CD2AP: variants seen among roughly 807,000 people sequenced by gnomAD.
The protein encoded by CD2AP is CD2-associated protein.
In CD2AP, 46 loss-of-function variants were observed where a neutral mutation model predicts 85.1. The observed-to-expected ratio is 0.54, with a 90% CI of 0.43 to 0.69. The LOEUF (loss-of-function observed/expected upper bound fraction) is 0.69. Among genes scored for constraint, CD2AP ranks in the 30% least tolerant of loss-of-function variants. CD2AP has a pLI of 0.00. For missense variants in CD2AP, 769 were observed against 729.5 expected, an observed-to-expected ratio of 1.05 and a Z score of -0.62; for synonymous variants, 255 against 252.9, an observed-to-expected ratio of 1.01 and a Z score of -0.08.
At chr6:47,544,904 C>T (rs964056967) in intron 4 of CD2AP, 198 bp downstream of exon 4, 4 of 485,452 alleles carry the variant, frequency 8.2e-6, no homozygotes, top group Non-Finnish European at 7.3e-6. Context: ...TAAAAATGCC[C>T]CCTTAAAGCT....
At chr6:47,521,420 C>T (rs953361550) in intron 2 of CD2AP, among the ~76,000 whole-genome samples, 6 of 151,734 alleles carry the variant, frequency 4.0e-5, no homozygotes, top group Non-Finnish European at 1.5e-5. Context: ...GGCGTGGTGG[C>T]GGGCGCCTGT....
intron 5 of CD2AP, among the ~76,000 whole-genome samples, chr6:47,557,761 T>C (rs879891296): frequency 1.3e-5 from 2 of 152,248 alleles, no homozygotes; most frequent in Non-Finnish European, 2.9e-5. Context: ...GGTAGCATGA[T>C]GCCTCCAGCT....
intron 2 of CD2AP, among the ~76,000 whole-genome samples, chr6:47,508,212 A>G (rs928402085): frequency 5.3e-5 from 8 of 152,226 alleles, no homozygotes; most frequent in African/African-American, 1.7e-4. Context: ...CCTTTTTCCA[A>G]TAGAAGGTTT....
chr6:47,580,863 G>T lies in CD2AP; in HGVS notation c.1009-1G>T. Reference sequence around the variant, plus strand: ...CGTTTCCACCATTATTATTTTAACAGAAACCAAAGAAACCACCACCTCCTG... The same window carrying T: ...CGTTTCCACCATTATTATTTTAACATAAACCAAAGAAACCACCACCTCCTG... On this transcript the variant is annotated splice_acceptor_variant, in intron 9 of 17. Transcript: ENST00000359314. LOFTEE classifies it high-confidence loss of function. 2 of 1,604,792 alleles carry T rather than the reference G, an allele frequency of 1.2e-6. No individual in the cohort carries two copies. The highest frequency in any genetic ancestry group is 1.7e-6 in the Non-Finnish European group (2 of 1,171,902).
At position 47,478,164 on chromosome 6, in the gene CD2AP, C is replaced by T; in HGVS notation, c.-81C>T. The T allele has an allele frequency of 1.3e-6, 2 of 1,524,466 alleles. No homozygotes were observed. The highest frequency in any genetic ancestry group is 1.8e-6 in the Non-Finnish European group (2 of 1,124,978). The allele number at this position is 1,524,466 out of a possible 1,614,324, so 94.4% of individuals were successfully genotyped here. On this transcript the variant is annotated 5_prime_UTR_variant, in exon 1 of 18. Transcript: ENST00000359314. Reference sequence around the variant, plus strand: ...GCGGAGCGCGGGTCCCGCCTCCAGCCGCGGGAGCGGCCGCGCGAGCCACCA... The same window carrying T: ...GCGGAGCGCGGGTCCCGCCTCCAGCTGCGGGAGCGGCCGCGCGAGCCACCA...
At chr6:47,584,678 TTC>T (rs1582590466) in intron 11 of CD2AP, among the ~76,000 whole-genome samples, 1 of 152,152 alleles carries the variant, frequency 6.6e-6, no homozygotes, top group African/African-American at 2.4e-5. Flanking sequence ...TTTTTTTATA[TTC>T]TTTTTTTATA....
At chr6:47,615,897 G>A (rs1014120758) in intron 17 of CD2AP, among the ~76,000 whole-genome samples, 7 of 150,008 alleles carry the variant, frequency 4.7e-5, no homozygotes, top group Admixed American at 2.7e-4. Flanking sequence ...CTCCCACCTC[G>A]GTCTCCAGAG....
In CD2AP at chr6:47,576,725, G is replaced by A. The variant is rs556298222; in HGVS notation, c.808+123G>A. On this transcript the variant is annotated intron_variant, in intron 7 of 17. Transcript: ENST00000359314. ...GAATAGCAAATTCTATTAGATGTAA[G>A]CACCATGAGGTCAAGGATTTTGATA... 1.9e-4 allele frequency: 148 copies of A among 770,574 alleles called. 2 individuals carry two copies. Among genetic ancestry groups the A allele is most frequent in the South Asian group, 1.3e-3 (87 of 65,186 alleles). 47.7% of individuals were successfully genotyped at this position (770,574 alleles called of 1,614,324 possible). A position where few individuals can be genotyped will look rare whatever the true frequency, so the allele number is the denominator to read the frequency against.
intron 3 of CD2AP, among the ~76,000 whole-genome samples, chr6:47,544,382 A>G (rs1401624509): frequency 1.3e-5 from 2 of 152,152 alleles, no homozygotes; most frequent in Non-Finnish European, 2.9e-5. Context: ...AAATGGTGGG[A>G]TAAGATGTAT....
In CD2AP at chr6:47,488,017, A is replaced by G. The variant is rs796488171; in HGVS notation, c.4+9769A>G. On this transcript the variant is annotated intron_variant, in intron 1 of 17. Transcript: ENST00000359314. ...TGAAATTACTGTTTCAAGATAATGG[A>G]TGAGATCCTTTTTTTTTTTTTTTTT... Among the ~76,000 whole-genome samples, 46 of 145,734 alleles carry G rather than the reference A, an allele frequency of 3.2e-4. 1 individual carries two copies. The highest frequency in any genetic ancestry group is 2.6e-3 in the Admixed American group (38 of 14,664).
At chr6:47,490,765 C>T (rs1024991310) in intron 1 of CD2AP, among the ~76,000 whole-genome samples, 2 of 151,954 alleles carry the variant, frequency 1.3e-5, no homozygotes, top group Admixed American at 1.3e-4. Context: ...TATCAAATTT[C>T]CTTCTCTTTT....
rs200636554 is a variant in CD2AP at position 47,586,934 on chromosome 6, AT to A, written c.1108+4871del. ...AAGAGAAGGCATAACAAAGGAAATG[AT>A]TCTAAGTATTTTCAGAATGTTCTCA... is the stretch of plus-strand genomic sequence containing the variant. On this transcript the variant is annotated intron_variant, in intron 11 of 17. Transcript: ENST00000359314. Among the ~76,000 whole-genome samples the A allele has an allele frequency of 4.7e-4, 71 of 152,316 alleles. 3 individuals carry two copies. The East Asian group carries it at 0.014, about 29-fold the overall frequency.
At chr6:47,621,757 C>T (rs971995173) in intron 17 of CD2AP, among the ~76,000 whole-genome samples, 1 of 151,966 alleles carries the variant, frequency 6.6e-6, no homozygotes, top group Non-Finnish European at 1.5e-5. Context: ...CTAATTCTTC[C>T]TGATTTAATC....
chr6:47,536,670 AT>A (rs1267799608), intron 3 of CD2AP, among the ~76,000 whole-genome samples: 3 of 152,030 alleles, frequency 2.0e-5, no homozygotes, highest in Admixed American at 6.6e-5. Context: ...AGAAGTATTA[AT>A]TTTTTTTAGA....
intron 5 of CD2AP, among the ~76,000 whole-genome samples, chr6:47,568,083 T>G (rs544330660): frequency 3.9e-5 from 6 of 152,250 alleles, no homozygotes; most frequent in Middle Eastern, 3.4e-3. Context: ...AGTGATAATG[T>G]TATTTGGGGG....
chr6:47,592,938 A>G (rs575142244), intron 11 of CD2AP, among the ~76,000 whole-genome samples: 1 of 152,170 alleles, frequency 6.6e-6, no homozygotes, highest in Non-Finnish European at 1.5e-5. Context: ...AGGAGTGATC[A>G]TGGGAATCCC....
At chr6:47,579,058 C>T (rs1199832597) in intron 8 of CD2AP, among the ~76,000 whole-genome samples, 2 of 152,130 alleles carry the variant, frequency 1.3e-5, no homozygotes, top group Non-Finnish European at 2.9e-5. Flanking sequence ...TTTGTAACTG[C>T]TGCTAAAAGT....
In CD2AP at chr6:47,542,885, T is replaced by C. The variant is rs1398909496; in HGVS notation, c.320-1721T>C. On this transcript the variant is annotated intron_variant, in intron 3 of 17. Coordinates refer to ENST00000359314, the MANE Select transcript of CD2AP (RefSeq NM_012120.3). ...GCTATTTGTGGCTGGGCATGGTAGC[T>C]CACGCCTGTAATCCTAGCACTTTGG... Among the ~76,000 whole-genome samples, 3 of 151,920 alleles carry C rather than the reference T, an allele frequency of 2.0e-5. No individual in the cohort carries two copies. The East Asian group carries it at 5.8e-4, about 29-fold the overall frequency.
intron 13 of CD2AP, among the ~76,000 whole-genome samples, chr6:47,603,209 A>G (rs1769189712): frequency 6.6e-6 from 1 of 152,118 alleles, no homozygotes; most frequent in East Asian, 1.9e-4. Flanking sequence ...TGTAAGTACC[A>G]TATAAGGCAT....
Sources: gnomAD v4.1 joint callset for allele counts (sites outside exome capture counted in the v4.1 genomes callset) on GRCh38, gnomAD v4.1.1 for gene constraint, MANE v1.5 for transcripts, NCBI Gene and HGNC (gene_info 2026-07-23, HGNC 2026-07-21) for gene names.